Variants in MPHOSPH9 observed in about 807,000 individuals in gnomAD.
MPHOSPH9 encodes the protein M-phase phosphoprotein 9.
MPHOSPH9 carries 88 observed loss-of-function variants against 145.5 expected under a neutral mutation model. The observed-to-expected ratio is 0.60, with a 90% CI of 0.51 to 0.72. The LOEUF is 0.72. Among genes scored for constraint, MPHOSPH9 ranks in the 30% least tolerant of loss-of-function variants. The pLI, the probability that MPHOSPH9 is intolerant of heterozygous loss-of-function variation, is 0.00. For missense variants in MPHOSPH9, 1,238 were observed against 1,386.6 expected, an observed-to-expected ratio of 0.89 and a Z score of 1.70; for synonymous variants, 435 against 486.2, an observed-to-expected ratio of 0.89 and a Z score of 1.39.
downstream of MPHOSPH9, chr12:123,152,350 G>A (rs2043791920): frequency 3.0e-6 from 1 of 329,888 alleles, no homozygotes; most frequent in African/African-American, 2.2e-5. Flanking sequence ...TTTATTGAGT[G>A]CCTGTAGTGC....
intron 3 of MPHOSPH9, among the ~76,000 whole-genome samples, chr12:123,226,030 TG>T (rs1414160403): frequency 7.2e-5 from 11 of 152,324 alleles, no homozygotes; most frequent in Non-Finnish European, 1.2e-4. Flanking sequence ...AGCAAGACTC[TG>T]TCTCAAAAAC....
intron 12 of MPHOSPH9, 136 bp downstream of exon 12, chr12:123,198,111 A>G (rs2046056888): frequency 2.9e-6 from 2 of 683,908 alleles, no homozygotes; most frequent in African/African-American, 3.7e-5. Flanking sequence ...TAAAGTTTAT[A>G]GCATTATATG....
chr12:123,243,437 G>A (rs1351810908), intron 1 of MPHOSPH9, among the ~76,000 whole-genome samples: 2 of 151,958 alleles, frequency 1.3e-5, no homozygotes, highest in Non-Finnish European at 2.9e-5. Context: ...GGCTGAGGCA[G>A]GAGAATGGCG....
At chr12:123,223,476 C>T (rs142261391) in intron 3 of MPHOSPH9, among the ~76,000 whole-genome samples, 19 of 152,312 alleles carry the variant, frequency 1.2e-4, no homozygotes, top group African/African-American at 4.3e-4. Flanking sequence ...CTGTCTCCTA[C>T]GCACCTCTCC....
In MPHOSPH9 at chr12:123,221,605, T is replaced by C; in HGVS notation, c.639A>G (p.Lys213=). The change falls in exon 5 of 24, where the codon AAA becomes AAG. Residue 213 remains lysine (K), a synonymous_variant. Transcript: ENST00000606320. ...TGTGCTCCATGAACTCCTTAGGGTC[T>C]TTAGATTTGTACAGATTTAATTCTG... is the stretch of plus-strand genomic sequence containing the variant. The part of the protein sequence containing the change: ...CISELNLYKS[K]DPKEFMEHID... The C allele has an allele frequency of 6.2e-7, 1 of 1,614,198 alleles. No homozygotes were observed. Among genetic ancestry groups the C allele is most frequent in the Non-Finnish European group, 8.5e-7 (1 of 1,180,012 alleles).
chr12:123,217,276 C>T (rs559288914), intron 6 of MPHOSPH9, among the ~76,000 whole-genome samples: 1 of 151,994 alleles, frequency 6.6e-6, no homozygotes, highest in African/African-American at 2.4e-5. Context: ...TGGCTCACTG[C>T]AACCTCTGTC....
rs147572928 is a variant in MPHOSPH9, at chr12:123,243,386, C to T, written c.-159+467G>A. Reference sequence around the variant, plus strand: ...TCTACTAAAAATACAAAAAATTAGCCGGACGTGGTGGCAGATGCCTGTAGT... The same window carrying T: ...TCTACTAAAAATACAAAAAATTAGCTGGACGTGGTGGCAGATGCCTGTAGT... On this transcript the variant is annotated intron_variant, in intron 1 of 2. Coordinates refer to the MPHOSPH9 transcript ENST00000545406. 3.7e-3 allele frequency among the ~76,000 whole-genome samples: 559 copies of T among 152,218 alleles called. 4 individuals carry two copies. The highest frequency in any genetic ancestry group is 0.013 in the African/African-American group (534 of 41,544).
chr12:123,187,896 C>T (rs1034075841), intron 13 of MPHOSPH9, among the ~76,000 whole-genome samples: 2 of 152,044 alleles, frequency 1.3e-5, no homozygotes, highest in African/African-American at 4.8e-5. Context: ...TAGACTGAGG[C>T]GGGTGAATCA....
chr12:123,185,574 T>C (rs1379735761), intron 13 of MPHOSPH9, among the ~76,000 whole-genome samples: 3 of 152,092 alleles, frequency 2.0e-5, no homozygotes, highest in South Asian at 4.2e-4. Context: ...TGAGACCGCA[T>C]CTCTACAAAA....
At chr12:123,163,849 G>T in intron 19 of MPHOSPH9, 101 bp downstream of exon 19, 1 of 1,429,948 alleles carries the variant, frequency 7.0e-7, no homozygotes, top group Non-Finnish European at 9.7e-7. Context: ...TAGGTGCTGA[G>T]GATACAAGAG....
chr12:123,213,577 G>A (rs2046836244), intron 7 of MPHOSPH9, among the ~76,000 whole-genome samples: 2 of 152,044 alleles, frequency 1.3e-5, no homozygotes, highest in Admixed American at 6.6e-5. Context: ...GGCCTCAAGC[G>A]ATCCTCATAC....
At chr12:123,230,101 C>A (rs2047584124) in intron 2 of MPHOSPH9, 160 bp downstream of exon 2, 2 of 495,262 alleles carry the variant, frequency 4.0e-6, no homozygotes. Context: ...GGATTACAGG[C>A]ATGAGCCACC....
Position 123,214,806 on chromosome 12 carries a change from C to T in MPHOSPH9, c.1025G>A (p.Arg342His), listed in dbSNP as rs773625797. 6.2e-6 allele frequency: 10 copies of T among 1,613,396 alleles called. No individual in the cohort carries two copies. The highest frequency in any genetic ancestry group is 1.1e-5 in the South Asian group (1 of 91,052). Residue 342 changes from arginine (R) to histidine (H), a missense_variant, in exon 7 of 24, where the codon CGT becomes CAT. Transcript: ENST00000606320. ...ATCTGGTTTACTGAGGTAAAAAGCA[C>T]GAGGATGTGTAGCAGCAGCAAAATC... ...KSDFAAATHP[R>H]AFYLSKPDET... is the part of the protein sequence containing the mutation.
At chr12:123,215,862 C>G (rs184970567) in intron 6 of MPHOSPH9, among the ~76,000 whole-genome samples, 1 of 152,172 alleles carries the variant, frequency 6.6e-6, no homozygotes, top group African/African-American at 2.4e-5. Context: ...GGGGAATTAA[C>G]ACATGAGCCT....
At chr12:123,192,554 C>T (rs996255926) in intron 13 of MPHOSPH9, among the ~76,000 whole-genome samples, 3 of 141,794 alleles carry the variant, frequency 2.1e-5, no homozygotes, top group African/African-American at 7.6e-5. Flanking sequence ...CCTGAGCCCG[C>T]GGAGGTTGAG....
At chr12:123,172,550 C>T (rs1209726323) in intron 16 of MPHOSPH9, among the ~76,000 whole-genome samples, 2 of 152,184 alleles carry the variant, frequency 1.3e-5, no homozygotes, top group African/African-American at 2.4e-5. Context: ...CCAGGCTGGT[C>T]TCGAACTCCT....
At chr12:123,215,279 A>G (rs1008723906) in intron 6 of MPHOSPH9, among the ~76,000 whole-genome samples, 2 of 152,042 alleles carry the variant, frequency 1.3e-5, no homozygotes, top group African/African-American at 4.8e-5. Flanking sequence ...CCATGGTTAC[A>G]AGAATGCTAA....
rs762130829 is a variant in MPHOSPH9 at position 123,221,422 on chromosome 12, A to G, written c.822T>C (p.Asn274=). Residue 274 remains asparagine (N), a synonymous_variant, in exon 5 of 24, where the codon AAT becomes AAC. Transcript: ENST00000606320. ...VSISPGEFEH[N]FLGENKVSEV... ...CAGAAACCTTATTTTCACCAAGAAA[A>G]TTATGTTCAAATTCACCAGGAGAAA... 9.9e-6 allele frequency: 16 copies of G among 1,610,390 alleles called. No individual in the cohort carries two copies. Among genetic ancestry groups the G allele is most frequent in the Non-Finnish European group, 1.3e-5 (15 of 1,178,922 alleles).
intron 8 of MPHOSPH9, among the ~76,000 whole-genome samples, chr12:123,203,838 C>A (rs79526711): frequency 6.6e-6 from 1 of 152,190 alleles, no homozygotes; most frequent in East Asian, 1.9e-4. Context: ...AGTGCAAGAC[C>A]ACGCCCAGCT....
Sources: gnomAD v4.1 joint callset for allele counts (sites outside exome capture counted in the v4.1 genomes callset) on GRCh38, gnomAD v4.1.1 for gene constraint, MANE v1.5 for transcripts, NCBI Gene and HGNC (gene_info 2026-07-23, HGNC 2026-07-21) for gene names.